Variants in SSX2IP observed in about 807,000 individuals in gnomAD.
The protein encoded by SSX2IP is afadin- and alpha-actinin-binding protein.
SSX2IP carries 55 observed loss-of-function variants against 84.9 expected under a neutral mutation model. That is an observed-to-expected ratio of 0.65 (90% confidence interval 0.52 to 0.81). The LOEUF (loss-of-function observed/expected upper bound fraction) is 0.81, where lower values mean the gene tolerates loss of function less well. Ranked by LOEUF, SSX2IP falls within the 30% of genes least tolerant of loss-of-function variation. SSX2IP has a pLI of 0.00. For synonymous variants in SSX2IP, 239 were observed against 234.7 expected, an observed-to-expected ratio of 1.02 and a Z score of -0.17; for missense variants, 664 against 705.2, an observed-to-expected ratio of 0.94 and a Z score of 0.66.
Position 84,650,444 on chromosome 1 carries a change from T to C in SSX2IP, c.1588A>G (p.Met530Val), listed in dbSNP as rs368706570. ...HSVSNGSPVC[M>V]SKLTKSLPAS... Reference sequence around the variant, plus strand: ...GGAAGAGATTTAGTAAGTTTAGACATGCAAACTGGAGACCCATTAGACACA... The same window carrying C: ...GGAAGAGATTTAGTAAGTTTAGACACGCAAACTGGAGACCCATTAGACACA... The change falls in exon 13 of 14, where the codon ATG becomes GTG. Residue 530 changes from methionine to valine, a missense_variant. Physicochemically the swap from Met to Val is conservative, Grantham distance 21. Coordinates refer to ENST00000342203, the MANE Select transcript of SSX2IP (RefSeq NM_001166293.2). 2 of 1,614,074 alleles carry C rather than the reference T, an allele frequency of 1.2e-6. No individual in the cohort carries two copies. The highest frequency in any genetic ancestry group is 2.7e-5 in the African/African-American group (2 of 74,926).
intron 6 of SSX2IP, 129 bp downstream of exon 6, chr1:84,664,288 A>G (rs965146155): frequency 7.3e-6 from 7 of 963,546 alleles, no homozygotes; most frequent in Non-Finnish European, 8.5e-6. Context: ...AACAAACACC[A>G]CTGAAAATCA....
Position 84,646,489 on chromosome 1 carries a change from A to C in SSX2IP, c.*944T>G, listed in dbSNP as rs1047412389. The C allele has an allele frequency of 5.2e-5, 8 of 152,596 alleles. No homozygotes were observed. Among genetic ancestry groups the C allele is most frequent in the African/African-American group, 1.9e-4 (8 of 41,462 alleles). 9.5% of individuals were successfully genotyped at this position (152,596 alleles called of 1,614,324 possible). A position where few individuals can be genotyped will look rare whatever the true frequency, so the allele number is the denominator to read the frequency against. ...ATACAAAGCCCTAGTTAGTATACAG[A>C]TATTACTATACTGGTACCCATCTTG... is the stretch of plus-strand genomic sequence containing the variant. On this transcript the variant is annotated 3_prime_UTR_variant, in exon 14 of 14. Transcript: ENST00000342203.
Position 84,688,400 on chromosome 1 carries a change from T to C in SSX2IP, c.-90+1971A>G, listed in dbSNP as rs370778041. On this transcript the variant is annotated intron_variant, in intron 1 of 13. Coordinates refer to ENST00000342203, the MANE Select transcript of SSX2IP (RefSeq NM_001166293.2). Reference sequence around the variant, plus strand: ...GCATATTCACAGCTATTGTAAAAGATATGGAAAAAATAACTTAAAAATCTT... The same window carrying C: ...GCATATTCACAGCTATTGTAAAAGACATGGAAAAAATAACTTAAAAATCTT... Among the ~76,000 whole-genome samples the C allele has an allele frequency of 3.9e-5, 6 of 152,202 alleles. No homozygotes were observed. The East Asian group carries it at 5.8e-4, about 15-fold the overall frequency.
At chr1:84,683,616 G>A (rs1038438920) in intron 1 of SSX2IP, among the ~76,000 whole-genome samples, 1 of 152,074 alleles carries the variant, frequency 6.6e-6, no homozygotes. Context: ...ACCCCACTTC[G>A]GTAACAGGCA....
At position 84,668,561 on chromosome 1, in the gene SSX2IP, G is replaced by C. The variant is rs184129546; in HGVS notation, c.426+1120C>G. Among the ~76,000 whole-genome samples the C allele has an allele frequency of 1.4e-4, 22 of 152,276 alleles. No individual in the cohort carries two copies. In the East Asian group the frequency reaches 3.7e-3, roughly 25 times the overall value. ...CATAAGACAGCATTATCAATGACAGGATGGTAGGCACAGGTGCTCGTAAAG... is the reference window on the plus strand; with the variant it reads ...CATAAGACAGCATTATCAATGACAGCATGGTAGGCACAGGTGCTCGTAAAG... On this transcript the variant is annotated intron_variant, in intron 4 of 13. Coordinates refer to ENST00000342203, the MANE Select transcript of SSX2IP (RefSeq NM_001166293.2).
At chr1:84,658,995 C>CA (rs35742757) in intron 8 of SSX2IP, among the ~76,000 whole-genome samples, 119,496 of 152,120 alleles carry the variant, frequency 0.79, 47,705 homozygotes, top group Middle Eastern at 0.85. Context: ...TGTATTCTGC[C>CA]AAACATGAAA....
Position 84,669,664 on chromosome 1 carries a change from G to C in SSX2IP, c.426+17C>G. The stretch of plus-strand genomic sequence containing the variant: ...TTATATAATTATGGCATTAAAATAT[G>C]GATCTGCAATTTCTACCTTAAGTTT... On this transcript the variant is annotated intron_variant, in intron 4 of 13. Transcript: ENST00000342203. 6.3e-7 allele frequency: 1 copy of C among 1,586,968 alleles called. No homozygotes were observed. Among genetic ancestry groups the C allele is most frequent in the Non-Finnish European group, 8.6e-7 (1 of 1,156,320 alleles).
intron 1 of SSX2IP, among the ~76,000 whole-genome samples, chr1:84,676,719 CTTTTTTT>C (rs61017474): frequency 0.045 from 4,487 of 99,508 alleles, 123 homozygotes; most frequent in Non-Finnish European, 0.061. Context: ...TGCTCTTTTC[CTTTTTTT>C]TTTTTTTTTT....
rs188160352 is a variant in SSX2IP at position 84,659,723 on chromosome 1, G to A, written c.928-1255C>T. Among the ~76,000 whole-genome samples, 649 of 151,570 alleles carry A rather than the reference G, an allele frequency of 4.3e-3. 4 individuals carry two copies. The Middle Eastern group carries it at 0.048, about 11-fold the overall frequency. ...TGAGGCAGGAGAATCACTTGAACCC[G>A]GGAGGCAGAGGTTGCAGTGAGCTGA... is the stretch of plus-strand genomic sequence containing the variant. On this transcript the variant is annotated intron_variant, in intron 8 of 13. Transcript: ENST00000342203.
At chr1:84,659,950 T>C (rs1490418464) in intron 8 of SSX2IP, among the ~76,000 whole-genome samples, 1 of 152,126 alleles carries the variant, frequency 6.6e-6, no homozygotes, top group African/African-American at 2.4e-5. Context: ...GTGGGATGAC[T>C]GTTTAAGCCC....
chr1:84,674,911 G>A (rs1368841250), intron 1 of SSX2IP, among the ~76,000 whole-genome samples: 1 of 152,102 alleles, frequency 6.6e-6, no homozygotes, highest in African/African-American at 2.4e-5. Context: ...TCCAAGAAAG[G>A]GGACTTACGA....
intron 4 of SSX2IP, among the ~76,000 whole-genome samples, chr1:84,668,005 T>G (rs928569174): frequency 6.6e-6 from 1 of 152,144 alleles, no homozygotes; most frequent in Non-Finnish European, 1.5e-5. Context: ...GTTCAACAAG[T>G]TGGATTAATC....
At chr1:84,677,933 T>C (rs72952191) in intron 1 of SSX2IP, among the ~76,000 whole-genome samples, 31,029 of 152,184 alleles carry the variant, frequency 0.2, 3,463 homozygotes, top group African/African-American at 0.28. Flanking sequence ...TCCTGACTCA[T>C]CTGTTCTAAG....
chr1:84,665,329 T>C (rs886401954), intron 5 of SSX2IP, among the ~76,000 whole-genome samples: 1 of 152,152 alleles, frequency 6.6e-6, no homozygotes, highest in African/African-American at 2.4e-5. Flanking sequence ...TACTACTTAC[T>C]AAATATACTA....
intron 13 of SSX2IP, among the ~76,000 whole-genome samples, chr1:84,647,940 C>G (rs1649689741): frequency 2.0e-5 from 3 of 151,910 alleles, no homozygotes; most frequent in African/African-American, 7.2e-5. Context: ...ACAAGGGATT[C>G]TGATGACCAA....
rs139258131 is a variant in SSX2IP at position 84,681,603 on chromosome 1, T to C, written c.-90+8768A>G. 1.9e-3 allele frequency among the ~76,000 whole-genome samples: 252 copies of C among 129,578 alleles called. 6 individuals are homozygous for C. The East Asian group carries it at 0.041, about 21-fold the overall frequency. 85.0% of individuals were successfully genotyped at this position (129,578 alleles called of 152,430 possible). Reference sequence around the variant, plus strand: ...AGCATATCTTTATATAGCTTGAATGTTATAGGAGCATGTATTATTCTGTAA... The same window carrying C: ...AGCATATCTTTATATAGCTTGAATGCTATAGGAGCATGTATTATTCTGTAA... On this transcript the variant is annotated intron_variant, in intron 1 of 13. Coordinates refer to ENST00000342203, the MANE Select transcript of SSX2IP (RefSeq NM_001166293.2).
rs760697647 is a variant in SSX2IP at position 84,664,446 on chromosome 1, A to G, written c.644T>C (p.Leu215Pro). 6 of 1,599,618 alleles carry G rather than the reference A, an allele frequency of 3.8e-6. No homozygotes were observed. The highest frequency in any genetic ancestry group is 5.1e-6 in the Non-Finnish European group (6 of 1,175,286). The change falls in exon 6 of 14, where the codon CTT (leucine) becomes CCT (proline). Residue 215 changes from leucine (L) to proline (P), a missense_variant. By Grantham distance (98) the Leu-to-Pro change is moderately conservative. Coordinates refer to ENST00000342203, the MANE Select transcript of SSX2IP (RefSeq NM_001166293.2). ...TTTCTTATCTTTCTTGTTCATAACAAGTTGATGTAGACGTTCCTTCAGTTT... is the reference window on the plus strand; with the variant it reads ...TTTCTTATCTTTCTTGTTCATAACAGGTTGATGTAGACGTTCCTTCAGTTT... ...YNKLKERLHQ[L>P]VMNKKDKKIA...
intron 1 of SSX2IP, 60 bp from the exon 2 acceptor site, chr1:84,671,368 C>A: frequency 7.4e-7 from 1 of 1,358,254 alleles, no homozygotes; most frequent in Non-Finnish European, 9.6e-7. Context: ...CCAATATAAA[C>A]CCAATGCTTA....
At chr1:84,689,833 T>C (rs1352480382) in intron 1 of SSX2IP, among the ~76,000 whole-genome samples, 1 of 152,204 alleles carries the variant, frequency 6.6e-6, no homozygotes, top group Non-Finnish European at 1.5e-5. Flanking sequence ...ATGATGTAAA[T>C]TCTTCCCCTA....
Sources: gnomAD v4.1 joint callset for allele counts (sites outside exome capture counted in the v4.1 genomes callset) on GRCh38, gnomAD v4.1.1 for gene constraint, MANE v1.5 for transcripts, NCBI Gene and HGNC (gene_info 2026-07-23, HGNC 2026-07-21) for gene names.